Variants in PTPRD observed in about 807,000 individuals in gnomAD.
PTPRD encodes receptor-type tyrosine-protein phosphatase delta.
A neutral mutation model predicts 214.5 loss-of-function variants in PTPRD; 34 were observed. The observed-to-expected ratio is 0.16, with a 90% CI of 0.12 to 0.21. The LOEUF (loss-of-function observed/expected upper bound fraction) is 0.21. PTPRD is among the 10% of genes least tolerant of loss of function. PTPRD has a pLI of 1.00. For synonymous variants in PTPRD, 1,128 were observed against 845.7 expected, an observed-to-expected ratio of 1.33 and a Z score of -5.79; for missense variants, 2,545 against 2,398.7, an observed-to-expected ratio of 1.06 and a Z score of -1.27.
intron 7 of PTPRD, among the ~76,000 whole-genome samples, chr9:9,593,852 G>A (rs2093015055): frequency 6.6e-6 from 1 of 151,922 alleles, no homozygotes; most frequent in Non-Finnish European, 1.5e-5. Flanking sequence ...CCAACTAATT[G>A]TGCAGAAGGA....
chr9:8,652,345 A>T (rs570424635), intron 12 of PTPRD, among the ~76,000 whole-genome samples: 2 of 152,344 alleles, frequency 1.3e-5, no homozygotes, highest in African/African-American at 4.8e-5. Context: ...ACAAATTATT[A>T]GGACACTTAT....
intron 11 of PTPRD, among the ~76,000 whole-genome samples, chr9:8,867,758 G>C (rs1566729201): frequency 6.6e-6 from 1 of 152,066 alleles, no homozygotes; most frequent in Non-Finnish European, 1.5e-5. Context: ...ATTTATACTT[G>C]TTTTTCTCTT....
chr9:8,476,799 G>A (rs1259176435), intron 30 of PTPRD, among the ~76,000 whole-genome samples: 1 of 152,242 alleles, frequency 6.6e-6, no homozygotes, highest in East Asian at 1.9e-4. Context: ...TGGCTCTTAG[G>A]AATTAATGCC....
chr9:8,465,375 A>T, intron 32 of PTPRD, 91 bp downstream of exon 32: 1 of 1,161,006 alleles, frequency 8.6e-7, no homozygotes, highest in Non-Finnish European at 1.3e-6. Flanking sequence ...AATAATGAGG[A>T]TGGATATACC....
intron 14 of PTPRD, among the ~76,000 whole-genome samples, chr9:8,628,785 A>C (rs1030562105): frequency 2.0e-5 from 3 of 151,876 alleles, no homozygotes; most frequent in African/African-American, 7.2e-5. Flanking sequence ...TAATATATTT[A>C]TATGTAAGAG....
intron 4 of PTPRD, among the ~76,000 whole-genome samples, chr9:9,954,038 G>A (rs982536385): frequency 6.6e-6 from 1 of 151,746 alleles, no homozygotes; most frequent in Non-Finnish European, 1.5e-5. Context: ...GGCTCATGCT[G>A]GTAATCCCAG....
intron 2 of PTPRD, among the ~76,000 whole-genome samples, chr9:10,381,951 ATC>A (rs1346559442): frequency 6.6e-6 from 1 of 151,952 alleles, no homozygotes; most frequent in Non-Finnish European, 1.5e-5. Flanking sequence ...ATATAAAATT[ATC>A]TCTTTTGTTT....
chr9:8,458,971 C>A (rs1376410452), intron 33 of PTPRD, among the ~76,000 whole-genome samples: 1 of 152,016 alleles, frequency 6.6e-6, no homozygotes, highest in Non-Finnish European at 1.5e-5. Context: ...TTATGAACTT[C>A]TTTCATTTGT....
At chr9:8,456,341 A>G (rs1290432709) in intron 33 of PTPRD, among the ~76,000 whole-genome samples, 1 of 152,134 alleles carries the variant, frequency 6.6e-6, no homozygotes, top group East Asian at 1.9e-4. Context: ...GGGGAGGAGA[A>G]GAGAGGACAG....
chr9:9,177,179 C>T (rs961364005), intron 10 of PTPRD, among the ~76,000 whole-genome samples: 1 of 152,006 alleles, frequency 6.6e-6, no homozygotes, highest in Non-Finnish European at 1.5e-5. Flanking sequence ...CCCAAGGCAG[C>T]AGGAAGGAGA....
chr9:9,251,965 C>T (rs1485363082), intron 9 of PTPRD, among the ~76,000 whole-genome samples: 1 of 152,090 alleles, frequency 6.6e-6, no homozygotes. Flanking sequence ...AGCAGTCTGA[C>T]TTCCCTATTG....
At chr9:10,185,201 G>A (rs1244064072) in intron 3 of PTPRD, among the ~76,000 whole-genome samples, 3 of 152,094 alleles carry the variant, frequency 2.0e-5, no homozygotes, top group African/African-American at 4.8e-5. Flanking sequence ...CCAGCTGTTT[G>A]TGAACTCTGA....
intron 11 of PTPRD, among the ~76,000 whole-genome samples, chr9:8,820,776 A>G (rs1217242252): frequency 2.0e-5 from 3 of 152,126 alleles, no homozygotes; most frequent in Non-Finnish European, 4.4e-5. Context: ...CTCTGGACTC[A>G]CACAAGACTC....
At chr9:8,934,435 A>T (rs1337097400) in intron 11 of PTPRD, among the ~76,000 whole-genome samples, 1 of 29,886 alleles carries the variant, frequency 3.3e-5, no homozygotes, top group Non-Finnish European at 7.0e-5. Flanking sequence ...ATATATATAT[A>T]AATATATATA....
At chr9:10,610,834 T>C (rs189397792) in intron 2 of PTPRD, among the ~76,000 whole-genome samples, 1 of 152,290 alleles carries the variant, frequency 6.6e-6, no homozygotes, top group African/African-American at 2.4e-5. Context: ...CCAAGATATT[T>C]AGAGCTTTCA....
intron 5 of PTPRD, among the ~76,000 whole-genome samples, chr9:9,795,457 T>C (rs2098995966): frequency 6.6e-6 from 1 of 152,084 alleles, no homozygotes; most frequent in African/African-American, 2.4e-5. Context: ...AAAAACAAGG[T>C]TTGTATTTAA....
intron 7 of PTPRD, among the ~76,000 whole-genome samples, chr9:9,718,110 C>T (rs138515638): frequency 6.6e-6 from 1 of 152,038 alleles, no homozygotes; most frequent in Non-Finnish European, 1.5e-5. Flanking sequence ...TTACAAATAT[C>T]CTTCTTTAGT....
chr9:8,619,616 C>T lies in PTPRD; in HGVS notation c.352+13701G>A, dbSNP rs117722456. Reference sequence around the variant, plus strand: ...ATGCATTTTATTTTTCACAACCATTCAGCTCTTACATCCCACTCCACCCCA... The same window carrying T: ...ATGCATTTTATTTTTCACAACCATTTAGCTCTTACATCCCACTCCACCCCA... On this transcript the variant is annotated intron_variant, in intron 14 of 45. Coordinates refer to ENST00000381196, the MANE Select transcript of PTPRD (RefSeq NM_002839.4). 3.4e-4 allele frequency among the ~76,000 whole-genome samples: 51 copies of T among 152,016 alleles called. 1 individual carries two copies. In the East Asian group the frequency reaches 9.9e-3, roughly 30 times the overall value.
chr9:9,379,809 G>C lies in PTPRD; in HGVS notation c.-203+17640C>G, dbSNP rs145121585. Among the ~76,000 whole-genome samples the C allele has an allele frequency of 2.4e-4, 37 of 151,834 alleles. No homozygotes were observed. The East Asian group carries it at 7.0e-3, about 29-fold the overall frequency. Reference sequence around the variant, plus strand: ...AGTGTGCTAATGTAAGTGTTATTTTGTTTTTATTTTCAAATTCCACTTGTT... The same window carrying C: ...AGTGTGCTAATGTAAGTGTTATTTTCTTTTTATTTTCAAATTCCACTTGTT... On this transcript the variant is annotated intron_variant, in intron 9 of 45. Transcript: ENST00000381196.
Sources: gnomAD v4.1 joint callset for allele counts (sites outside exome capture counted in the v4.1 genomes callset) on GRCh38, gnomAD v4.1.1 for gene constraint, MANE v1.5 for transcripts, NCBI Gene and HGNC (gene_info 2026-07-23, HGNC 2026-07-21) for gene names.